Variants in ITIH3 observed in about 807,000 individuals in gnomAD.
ITIH3 encodes inter-alpha-trypsin inhibitor heavy chain 3.
Under a neutral mutation model 96.5 loss-of-function variants are expected in ITIH3, and 81 were observed. That is an observed-to-expected ratio of 0.84 (90% CI 0.70 to 1.01). The LOEUF is 1.01. Among genes scored for constraint, ITIH3 ranks in the 50% least tolerant of loss-of-function variants. The pLI, the probability that ITIH3 is intolerant of heterozygous loss-of-function variation, is 0.00. For missense variants in ITIH3, 1,057 were observed against 1,139.3 expected (o/e 0.93, Z 1.04); for synonymous variants, 422 against 445.2 (o/e 0.95, Z 0.66).
intron 11 of ITIH3, among the ~76,000 whole-genome samples, 177 bp downstream of exon 11, chr3:52,801,323 G>A (rs1434374493): frequency 6.6e-6 from 1 of 152,202 alleles, no homozygotes; most frequent in African/African-American, 2.4e-5. Flanking sequence ...CTACACAACA[G>A]GCCCGTTTCT....
intron 2 of ITIH3, 32 bp downstream of exon 2, chr3:52,795,655 T>G (rs780018348): frequency 6.2e-7 from 1 of 1,607,194 alleles, no homozygotes; most frequent in South Asian, 1.1e-5. Context: ...TGGGACCGAG[T>G]GGGGCAGGGC....
At chr3:52,794,979 G>A in intron 1 of ITIH3, 83 bp downstream of exon 1, 1 of 1,117,088 alleles carries the variant, frequency 9.0e-7, no homozygotes, top group South Asian at 1.2e-5. Flanking sequence ...TCTGAGTGGA[G>A]TGAAGAGGAG....
At chr3:52,804,780 C>T (rs1335661076) in intron 15 of ITIH3, 46 bp downstream of exon 15, 2 of 1,574,044 alleles carry the variant, frequency 1.3e-6, no homozygotes, top group Middle Eastern at 1.7e-4. Context: ...GGAAGGGAGA[C>T]AAGAGAGAAC....
At chr3:52,806,488 G>T in intron 18 of ITIH3, 82 bp downstream of exon 18, 1 of 1,035,722 alleles carries the variant, frequency 9.7e-7, no homozygotes. Context: ...CAGGGAACAG[G>T]TTCTCACTCT....
chr3:52,800,953 C>T lies in ITIH3; in HGVS notation c.1202-12C>T. ...GCTGGGGCTGGACTGTGAACACCCC[C>T]TTCTCCAACAGGTGAGAGCAGACCC... is the stretch of plus-strand genomic sequence containing the variant. On this transcript the variant is annotated splice_polypyrimidine_tract_variant and intron_variant, in intron 10 of 21. Coordinates refer to ENST00000449956, the MANE Select transcript of ITIH3 (RefSeq NM_002217.4). The T allele has an allele frequency of 1.9e-6, 3 of 1,613,972 alleles. No homozygotes were observed. The highest frequency in any genetic ancestry group is 2.2e-5 in the East Asian group (1 of 44,884).
chr3:52,805,876 G>A, intron 16 of ITIH3, 36 bp downstream of exon 16: 3 of 1,609,760 alleles, frequency 1.9e-6, no homozygotes, highest in South Asian at 2.2e-5. Context: ...TCCTCCCACT[G>A]CTTAGAGCCT....
chr3:52,799,619 G>T (rs1168442224), intron 8 of ITIH3, 131 bp downstream of exon 8: 4 of 1,094,564 alleles, frequency 3.7e-6, no homozygotes, highest in Non-Finnish European at 5.2e-6. Context: ...AAGGCTCACG[G>T]CCTCTGCCCG....
At chr3:52,805,891 C>A in intron 16 of ITIH3, 51 bp downstream of exon 16, 1 of 1,601,726 alleles carries the variant, frequency 6.2e-7, no homozygotes, top group Non-Finnish European at 8.5e-7. Context: ...GAGCCTGCCC[C>A]TGCCACATGT....
chr3:52,801,359 AG>A (rs1186128244), intron 11 of ITIH3, among the ~76,000 whole-genome samples: 1 of 152,252 alleles, frequency 6.6e-6, no homozygotes, highest in African/African-American at 2.4e-5. Flanking sequence ...GAGCAAACAC[AG>A]GACATCTGGT....
At chr3:52,795,394 C>G (rs1411598505) in intron 1 of ITIH3, among the ~76,000 whole-genome samples, 1 of 152,162 alleles carries the variant, frequency 6.6e-6, no homozygotes, top group Admixed American at 6.5e-5. Flanking sequence ...ATACCTGCCC[C>G]TCTCTGGACC....
At chr3:52,806,609 G>T (rs1316228190) in intron 18 of ITIH3, among the ~76,000 whole-genome samples, 1 of 152,226 alleles carries the variant, frequency 6.6e-6, no homozygotes, top group Admixed American at 6.5e-5. Flanking sequence ...GATGATTAGC[G>T]TGAATGGACC....
At chr3:52,798,833 T>A in intron 6 of ITIH3, 133 bp from the exon 7 acceptor site, 1 of 1,127,112 alleles carries the variant, frequency 8.9e-7, no homozygotes, top group Non-Finnish European at 1.3e-6. Flanking sequence ...GGCCTCCAGC[T>A]CTTGCTAGCC....
chr3:52,798,944 GTC>G lies in ITIH3; in HGVS notation c.664-20_664-19del, dbSNP rs753579749. ...GCAGGCCCTGGCCGAGCTGAGCAAG[GTC>G]TTTCATCTCCATCCCTTAGGGCCAT... On this transcript the variant is annotated intron_variant, in intron 6 of 21. Coordinates refer to ENST00000449956, the MANE Select transcript of ITIH3 (RefSeq NM_002217.4). The G allele has an allele frequency of 1.2e-5, 19 of 1,611,368 alleles. No individual in the cohort carries two copies. The highest frequency in any genetic ancestry group is 1.5e-5 in the Non-Finnish European group (18 of 1,178,822).
At chr3:52,799,658 G>T (rs1437755342) in intron 8 of ITIH3, 95 bp from the exon 9 acceptor site, 1 of 1,337,620 alleles carries the variant, frequency 7.5e-7, no homozygotes, top group Non-Finnish European at 1.0e-6. Flanking sequence ...GGCAGGGCTC[G>T]CTGGTGCAGA....
In ITIH3 at chr3:52,808,650, A is replaced by T; in HGVS notation, c.2642A>T (p.His881Leu). 2.5e-6 allele frequency: 4 copies of T among 1,613,572 alleles called. No individual in the cohort carries two copies. In the South Asian group the frequency reaches 4.4e-5, roughly 18 times the overall value. The stretch of plus-strand genomic sequence containing the variant: ...GGAGAAGGGCTGATTGATGGTGTCC[A>T]CACTGACTACATTGTCCCCAACCTG... ...NNGEGLIDGVHTDYIVPNLF is the reference protein window; with the variant it reads ...NNGEGLIDGVLTDYIVPNLF Residue 881 changes from histidine (H) to leucine (L), a missense_variant, in exon 22 of 22, where the codon CAC becomes CTC. Transcript: ENST00000449956.
chr3:52,795,942 T>C (rs1253377098), intron 2 of ITIH3: 1 of 374,682 alleles, frequency 2.7e-6, no homozygotes, highest in Non-Finnish European at 4.8e-6. Context: ...AGCATCTTTA[T>C]ATCCCTAGGG....
intron 19 of ITIH3, 132 bp downstream of exon 19, chr3:52,807,237 AGTCTCCT>A (rs1186074057): frequency 1.7e-5 from 14 of 824,538 alleles, no homozygotes; most frequent in Non-Finnish European, 2.1e-5. Context: ...CCCAGAATCC[AGTCTCCT>A]GTCACAGGGG....
intron 6 of ITIH3, chr3:52,798,701 A>C: frequency 2.0e-6 from 1 of 500,894 alleles, no homozygotes. Context: ...GCCTGTGCCC[A>C]GCCAGGAGCC....
rs1488651302 is a variant in ITIH3 at position 52,806,384 on chromosome 3, C to T, written c.2034C>T (p.Arg678=). The T allele has an allele frequency of 2.5e-6, 4 of 1,613,662 alleles. No individual in the cohort carries two copies. The highest frequency in any genetic ancestry group is 3.4e-6 in the Non-Finnish European group (4 of 1,179,710). Reference sequence around the variant, plus strand: ...ATGAAGCCCCAGGCACAGTGCTGCGCCTTATTCAGGATGCAGTCACAGGTG... The same window carrying T: ...ATGAAGCCCCAGGCACAGTGCTGCGTCTTATTCAGGATGCAGTCACAGGTG... ...NIDEAPGTVL[R]LIQDAVTGLT... The change falls in exon 18 of 22, where the codon CGC becomes CGT. Residue 678 remains arginine, a synonymous_variant. Transcript: ENST00000449956.
Sources: gnomAD v4.1 joint callset for allele counts (sites outside exome capture counted in the v4.1 genomes callset) on GRCh38, gnomAD v4.1.1 for gene constraint, MANE v1.5 for transcripts, NCBI Gene and HGNC (gene_info 2026-07-23, HGNC 2026-07-21) for gene names.